Variants in CCNY observed in about 807,000 individuals in gnomAD.
The protein encoded by CCNY is cyclin-Y.
In CCNY, 19 loss-of-function variants were observed where a neutral mutation model predicts 42.8. The observed-to-expected ratio is 0.44, with a 90% CI of 0.31 to 0.65. The LOEUF is 0.65. Ranked by LOEUF, CCNY falls within the 30% of genes least tolerant of loss-of-function variation. The probability of loss-of-function intolerance (pLI) is 0.07; values close to 1 mark genes in which losing one functional copy is unlikely to be tolerated. For missense variants in CCNY, 370 were observed against 437.3 expected (o/e 0.85, Z 1.37); for synonymous variants, 165 against 162.7 (o/e 1.01, Z -0.11).
At chr10:35,321,691 T>C (rs1464581457) in intron 3 of CCNY, among the ~76,000 whole-genome samples, 2 of 151,428 alleles carry the variant, frequency 1.3e-5, no homozygotes, top group African/African-American at 2.4e-5. Context: ...AAAAAGAAAA[T>C]CCCAGCAGGC....
At chr10:35,378,493 T>C (rs1837103671) in intron 1 of CCNY, among the ~76,000 whole-genome samples, 1 of 152,082 alleles carries the variant, frequency 6.6e-6, no homozygotes, top group Admixed American at 6.5e-5. Context: ...GGTGACTTCC[T>C]AGAAGAGGTT....
chr10:35,373,940 C>A (rs1836994734), intron 1 of CCNY, among the ~76,000 whole-genome samples: 1 of 150,638 alleles, frequency 6.6e-6, no homozygotes, highest in South Asian at 2.1e-4. Flanking sequence ...TTCTCAAGTG[C>A]CCCATACAAA....
rs892728789 is a variant in CCNY, at chr10:35,482,751, T to G, written c.155-653T>G. Among the ~76,000 whole-genome samples, 14 of 42,740 alleles carry G rather than the reference T, an allele frequency of 3.3e-4. No individual in the cohort carries two copies. The South Asian group carries it at 8.5e-3, about 26-fold the overall frequency. 28.0% of individuals were successfully genotyped at this position (42,740 alleles called of 152,430 possible). ...TTTCTCAAGGGAAGCTGGAAATAGG[T>G]GTGTGTGTGTGTGTGTGTGTGTGTG... On this transcript the variant is annotated intron_variant, in intron 1 of 9. Transcript: ENST00000374704.
At chr10:35,386,793 A>G (rs999167790) in intron 1 of CCNY, among the ~76,000 whole-genome samples, 4 of 152,030 alleles carry the variant, frequency 2.6e-5, no homozygotes, top group East Asian at 1.9e-4. Context: ...AGATATGTCA[A>G]GATTCCTTCA....
chr10:35,508,539 A>G (rs1840259663), intron 3 of CCNY, among the ~76,000 whole-genome samples: 2 of 152,306 alleles, frequency 1.3e-5, no homozygotes, highest in South Asian at 4.1e-4. Flanking sequence ...TGCTAGAACC[A>G]AGGTCTGGAC....
chr10:35,299,768 G>A (rs78536711), intron 3 of CCNY, among the ~76,000 whole-genome samples: 2 of 152,108 alleles, frequency 1.3e-5, no homozygotes, highest in South Asian at 2.1e-4. Context: ...TTACTGATAC[G>A]GTTAGGTTTA....
chr10:35,436,081 G>A (rs991906004), intron 1 of CCNY, among the ~76,000 whole-genome samples: 4 of 152,182 alleles, frequency 2.6e-5, no homozygotes, highest in Admixed American at 6.5e-5. Flanking sequence ...GGGAGCTGGA[G>A]AGTTGGGCAG....
chr10:35,382,376 A>T (rs2135194983), intron 1 of CCNY, among the ~76,000 whole-genome samples: 1 of 152,328 alleles, frequency 6.6e-6, no homozygotes, highest in East Asian at 1.9e-4. Context: ...TGGAGCATGC[A>T]AAGGGGGCTT....
rs143924624 is a variant in CCNY at position 35,300,101 on chromosome 10, T to C, written c.-9+49475T>C. Among the ~76,000 whole-genome samples the C allele has an allele frequency of 3.8e-3, 574 of 152,332 alleles. 2 individuals are homozygous for C. The highest frequency in any genetic ancestry group is 6.8e-3 in the Middle Eastern group (2 of 294). On this transcript the variant is annotated intron_variant, in intron 3 of 11. Coordinates refer to the CCNY transcript ENST00000374706. Reference sequence around the variant, plus strand: ...TCTCTGGGGACTGCTCCTCTTACAGTTTCCTAGTAGATGCTCTTTGCTTGG... The same window carrying C: ...TCTCTGGGGACTGCTCCTCTTACAGCTTCCTAGTAGATGCTCTTTGCTTGG...
chr10:35,378,238 C>T (rs1034131481), intron 1 of CCNY, among the ~76,000 whole-genome samples: 1 of 152,144 alleles, frequency 6.6e-6, no homozygotes. Context: ...TTTCATTATT[C>T]TGTCTAAAAT....
intron 3 of CCNY, among the ~76,000 whole-genome samples, chr10:35,311,854 T>C (rs988411084): frequency 6.6e-6 from 1 of 151,632 alleles, no homozygotes; most frequent in Non-Finnish European, 1.5e-5. Context: ...AGCATAGTAG[T>C]GTGTGCCTGT....
At chr10:35,290,819 A>T (rs79290455) in intron 3 of CCNY, among the ~76,000 whole-genome samples, 2,770 of 152,306 alleles carry the variant, frequency 0.018, 41 homozygotes, top group Middle Eastern at 0.048. Context: ...CAACAACGAA[A>T]AAAACAAAAC....
intron 1 of CCNY, among the ~76,000 whole-genome samples, chr10:35,430,637 A>T (rs1838370870): frequency 6.6e-6 from 1 of 152,206 alleles, no homozygotes; most frequent in Non-Finnish European, 1.5e-5. Flanking sequence ...TGAGGGTGGA[A>T]GTTTAACTGT....
At chr10:35,247,483 G>A (rs1355192188) in intron 1 of CCNY, among the ~76,000 whole-genome samples, 1 of 152,120 alleles carries the variant, frequency 6.6e-6, no homozygotes, top group Admixed American at 6.6e-5. Context: ...TACTTGGGGA[G>A]GCTGAGGTGG....
chr10:35,285,820 G>C (rs1198195583), intron 3 of CCNY, among the ~76,000 whole-genome samples: 1 of 151,860 alleles, frequency 6.6e-6, no homozygotes, highest in Non-Finnish European at 1.5e-5. Flanking sequence ...TTTTGTTTTT[G>C]TTTTTGTTTG....
At chr10:35,290,816 G>A (rs932949642) in intron 3 of CCNY, among the ~76,000 whole-genome samples, 1 of 151,406 alleles carries the variant, frequency 6.6e-6, no homozygotes, top group East Asian at 1.9e-4. Flanking sequence ...TAACAACAAC[G>A]AAAAAAACAA....
chr10:35,523,076 A>G (rs1487551120), intron 4 of CCNY, among the ~76,000 whole-genome samples: 1 of 152,210 alleles, frequency 6.6e-6, no homozygotes, highest in Non-Finnish European at 1.5e-5. Flanking sequence ...AAAAGGTTCT[A>G]AAACACCTAC....
chr10:35,427,598 T>A (rs1301721701), intron 1 of CCNY, among the ~76,000 whole-genome samples: 1 of 152,232 alleles, frequency 6.6e-6, no homozygotes, highest in Non-Finnish European at 1.5e-5. Flanking sequence ...TGTATTTCAA[T>A]GTGATAATAT....
intron 3 of CCNY, among the ~76,000 whole-genome samples, chr10:35,276,304 A>G (rs1012476497): frequency 6.6e-6 from 1 of 152,122 alleles, no homozygotes; most frequent in African/African-American, 2.4e-5. Flanking sequence ...CTTGATTCTA[A>G]TGGCTGCTAC....
Sources: allele counts gnomAD v4.1 joint callset (sites outside exome capture counted in the v4.1 genomes callset), GRCh38; gene constraint gnomAD v4.1.1; transcripts MANE v1.5; gene names NCBI Gene and HGNC (gene_info 2026-07-23, HGNC 2026-07-21).